HACD3: variants seen among roughly 807,000 people sequenced by gnomAD.
HACD3 encodes the protein 3-hydroxyacyl-CoA dehydratase 3.
Under a neutral mutation model 55.2 loss-of-function variants are expected in HACD3, and 30 were observed. The ratio of observed to expected loss-of-function variants is 0.54; its 90% CI spans 0.41 to 0.74. The LOEUF is 0.74. Ranked by LOEUF, HACD3 falls within the 30% of genes least tolerant of loss-of-function variation. The pLI is 0.00. For missense variants in HACD3, 363 were observed against 440.1 expected (o/e 0.82, Z 1.57); for synonymous variants, 141 against 151.7 (o/e 0.93, Z 0.52).
In HACD3 at chr15:65,571,650, G is replaced by A. The variant is rs781545167; in HGVS notation, c.876G>A (p.Ala292=). ...WIPLYPLGCL[A]EAVSVIQSIP... ...CCTTATATCCACTGGGATGTTTGGC[G>A]GAAGGTACTCTCAGGGACTCTTAGC... is the stretch of plus-strand genomic sequence containing the variant. The change falls in exon 9 of 11, where the codon GCG becomes GCA. Residue 292 remains alanine, a synonymous_variant. Coordinates refer to ENST00000261875, the MANE Select transcript of HACD3 (RefSeq NM_016395.4). The A allele has an allele frequency of 9.9e-6, 16 of 1,610,178 alleles. No individual in the cohort carries two copies. Among genetic ancestry groups the A allele is most frequent in the East Asian group, 8.9e-5 (4 of 44,894 alleles).
intron 2 of HACD3, among the ~76,000 whole-genome samples, chr15:65,554,167 A>G (rs365682): frequency 6.6e-6 from 1 of 152,190 alleles, no homozygotes; most frequent in Non-Finnish European, 1.5e-5. Flanking sequence ...TGATACACCC[A>G]CCAATTTTTG....
At chr15:65,535,979 T>C (rs1052016370) in intron 1 of HACD3, 4 of 414,794 alleles carry the variant, frequency 9.6e-6, no homozygotes, top group African/African-American at 8.2e-5. Context: ...CTTGAACCAC[T>C]GTGCCTAGCC....
rs1395210871 is a variant in HACD3, at chr15:65,576,337, G to A, written c.1047G>A (p.Gln349=). 1 of 1,603,140 alleles carries A rather than the reference G, an allele frequency of 6.2e-7. No homozygotes were observed. Among genetic ancestry groups the A allele is most frequent in the Non-Finnish European group, 8.5e-7 (1 of 1,174,722 alleles). The change falls in exon 11 of 11, where the codon CAG becomes CAA. Residue 349 remains glutamine, a synonymous_variant. Transcript: ENST00000261875. ...LYINFRHLYK[Q]RRRRYGQKKK... is the part of the protein sequence containing the mutation. ...TAAATTTTCGTCACCTTTATAAACA[G>A]CGCAGACGGCGCTATGGACAAAAAA...
chr15:65,559,886 C>T (rs749887212), intron 5 of HACD3, among the ~76,000 whole-genome samples: 24 of 152,042 alleles, frequency 1.6e-4, no homozygotes, highest in Non-Finnish European at 3.2e-4. Context: ...TTAGGTAAAG[C>T]TTTAACTGTT....
intron 10 of HACD3, among the ~76,000 whole-genome samples, chr15:65,572,914 CAA>C (rs60226731): frequency 8.5e-5 from 9 of 106,444 alleles, no homozygotes; most frequent in South Asian, 2.8e-4. Context: ...GACTTTGTCT[CAA>C]AAAAAAAAAA....
intron 4 of HACD3, among the ~76,000 whole-genome samples, chr15:65,558,024 C>T (rs1268717226): frequency 6.6e-6 from 1 of 151,298 alleles, no homozygotes; most frequent in Non-Finnish European, 1.5e-5. Flanking sequence ...TTTCCTGCTC[C>T]AGCCCTGGAA....
At chr15:65,572,780 T>C (rs2072360551) in intron 10 of HACD3, among the ~76,000 whole-genome samples, 1 of 151,682 alleles carries the variant, frequency 6.6e-6, no homozygotes, top group African/African-American at 2.4e-5. Flanking sequence ...TTGGGTGTGG[T>C]GGCGGGTGCC....
At chr15:65,564,575 A>G in intron 7 of HACD3, 1 of 465,990 alleles carries the variant, frequency 2.1e-6, no homozygotes, top group Non-Finnish European at 3.8e-6. Context: ...AGAATGAGGA[A>G]GAAGCAAAAG....
intron 1 of HACD3, among the ~76,000 whole-genome samples, chr15:65,541,788 C>T (rs1378638716): frequency 6.6e-6 from 1 of 152,002 alleles, no homozygotes; most frequent in Non-Finnish European, 1.5e-5. Flanking sequence ...CAAACTTTTA[C>T]ATACACCCAA....
intron 1 of HACD3, among the ~76,000 whole-genome samples, chr15:65,535,565 C>T (rs1330218686): frequency 1.3e-5 from 2 of 152,012 alleles, no homozygotes; most frequent in East Asian, 1.9e-4. Context: ...AGTCTGTTGG[C>T]GTCATTTTTC....
intron 1 of HACD3, among the ~76,000 whole-genome samples, chr15:65,547,523 T>G (rs1312105682): frequency 1.3e-5 from 2 of 152,220 alleles, no homozygotes; most frequent in African/African-American, 2.4e-5. Flanking sequence ...TAAATCACAT[T>G]GTTTGTAGGC....
intron 7 of HACD3, 57 bp from the exon 8 acceptor site, chr15:65,570,034 C>A: frequency 8.4e-7 from 1 of 1,195,832 alleles, no homozygotes; most frequent in Non-Finnish European, 1.2e-6. Context: ...TAACACATTT[C>A]TATAACTTTA....
At chr15:65,567,885 G>T (rs577112741) in intron 7 of HACD3, among the ~76,000 whole-genome samples, 1 of 151,892 alleles carries the variant, frequency 6.6e-6, no homozygotes, top group East Asian at 1.9e-4. Context: ...TTTGCCAGGG[G>T]CTGGCTGAAT....
At chr15:65,546,456 A>T (rs2072078117) in intron 1 of HACD3, among the ~76,000 whole-genome samples, 1 of 152,216 alleles carries the variant, frequency 6.6e-6, no homozygotes, top group Non-Finnish European at 1.5e-5. Context: ...TCAGCAAAAA[A>T]CTATGCATAT....
At chr15:65,547,125 T>C (rs567198275) in intron 1 of HACD3, among the ~76,000 whole-genome samples, 1 of 152,256 alleles carries the variant, frequency 6.6e-6, no homozygotes, top group East Asian at 1.9e-4. Flanking sequence ...CCAGGATTTT[T>C]TTTTTTTTTG....
chr15:65,573,303 G>C (rs1171330791), intron 10 of HACD3, among the ~76,000 whole-genome samples: 1 of 151,880 alleles, frequency 6.6e-6, no homozygotes, highest in African/African-American at 2.4e-5. Context: ...TTTTGTTGTT[G>C]TTGTTGTTAA....
intron 1 of HACD3, among the ~76,000 whole-genome samples, chr15:65,536,621 G>T (rs2071957792): frequency 6.6e-6 from 1 of 152,110 alleles, no homozygotes; most frequent in Non-Finnish European, 1.5e-5. Context: ...GCTAGGTGTG[G>T]TGGCGGGTGC....
At chr15:65,570,968 T>C (rs764787102) in intron 8 of HACD3, among the ~76,000 whole-genome samples, 8 of 152,202 alleles carry the variant, frequency 5.3e-5, no homozygotes, top group Non-Finnish European at 8.8e-5. Flanking sequence ...GTCCTATGTT[T>C]TTCAAATCAG....
chr15:65,578,063 C>A lies in HACD3; in HGVS notation c.*1684C>A, dbSNP rs1402003512. 6.6e-6 allele frequency: 1 copy of A among 152,262 alleles called. No individual in the cohort carries two copies. Among genetic ancestry groups the A allele is most frequent in the Non-Finnish European group, 1.5e-5 (1 of 68,044 alleles). The allele number at this position is 152,262 out of a possible 1,614,324, so 9.4% of individuals were successfully genotyped here. ...TATTTCACTGAGCCCAAGATGGAAA[C>A]TTGGTTTGACCTAAAACATCTGATT... On this transcript the variant is annotated 3_prime_UTR_variant, in exon 11 of 11. Transcript: ENST00000261875.
Sources: allele counts gnomAD v4.1 joint callset (sites outside exome capture counted in the v4.1 genomes callset), GRCh38; gene constraint gnomAD v4.1.1; transcripts MANE v1.5; gene names NCBI Gene and HGNC (gene_info 2026-07-23, HGNC 2026-07-21).